FOXN3: variants seen among roughly 807,000 people sequenced by gnomAD.
The protein encoded by FOXN3 is forkhead box N3.
FOXN3 carries 7 observed loss-of-function variants against 38.4 expected under a neutral mutation model. That is an observed-to-expected ratio of 0.18 (90% confidence interval 0.10 to 0.34). FOXN3 has a LOEUF of 0.34. FOXN3 is among the 10% of genes least tolerant of loss of function. The pLI is 1.00. For missense variants in FOXN3, 456 were observed against 613.4 expected (o/e 0.74, Z 2.71); for synonymous variants, 230 against 242.2 (o/e 0.95, Z 0.47).
intron 4 of FOXN3, among the ~76,000 whole-genome samples, chr14:89,199,401 G>A (rs1888179154): frequency 6.6e-6 from 1 of 152,208 alleles, no homozygotes; most frequent in African/African-American, 2.4e-5. Flanking sequence ...GGAAGTTGGA[G>A]ACGGAGAACA....
intron 3 of FOXN3, chr14:89,290,486 GT>G: frequency 2.2e-6 from 1 of 463,268 alleles, no homozygotes; most frequent in Non-Finnish European, 4.2e-6. Context: ...ACTTCTTACA[GT>G]TTTCCACTGG....
chr14:89,201,570 C>T (rs1240025110), intron 4 of FOXN3, among the ~76,000 whole-genome samples: 4 of 152,182 alleles, frequency 2.6e-5, no homozygotes, highest in African/African-American at 9.7e-5. Context: ...AAAGGATGTG[C>T]CACGGCCAGA....
intron 4 of FOXN3, among the ~76,000 whole-genome samples, chr14:89,228,216 T>G (rs1884700411): frequency 6.6e-6 from 1 of 152,266 alleles, no homozygotes; most frequent in African/African-American, 2.4e-5. Flanking sequence ...GGATGTCATT[T>G]GATGGTCTGA....
chr14:89,347,833 T>C (rs570946560), intron 3 of FOXN3, among the ~76,000 whole-genome samples: 1 of 152,096 alleles, frequency 6.6e-6, no homozygotes, highest in African/African-American at 2.4e-5. Context: ...CTGCCTGTAG[T>C]CCCAGCTACT....
chr14:89,252,201 A>G (rs1885479325), intron 4 of FOXN3, among the ~76,000 whole-genome samples: 1 of 152,214 alleles, frequency 6.6e-6, no homozygotes, highest in African/African-American at 2.4e-5. Flanking sequence ...AACCTGCTAA[A>G]CTACCAGCCA....
intron 1 of FOXN3, among the ~76,000 whole-genome samples, chr14:89,426,688 G>T (rs771074484): frequency 1.3e-5 from 2 of 152,170 alleles, no homozygotes; most frequent in Non-Finnish European, 2.9e-5. Flanking sequence ...ACTCATTTCA[G>T]CCTCACATTA....
intron 2 of FOXN3, among the ~76,000 whole-genome samples, chr14:89,369,333 G>C (rs772150401): frequency 6.6e-6 from 1 of 152,178 alleles, no homozygotes; most frequent in East Asian, 1.9e-4. Context: ...GATAGTAGCA[G>C]CAACAGCAGC....
intron 2 of FOXN3, among the ~76,000 whole-genome samples, chr14:89,397,271 C>G (rs748550307): frequency 1.3e-5 from 2 of 151,886 alleles, no homozygotes; most frequent in Non-Finnish European, 2.9e-5. Context: ...GCAACACACA[C>G]TGGGGCCTAT....
intron 3 of FOXN3, among the ~76,000 whole-genome samples, chr14:89,303,720 GA>G (rs1887291850): frequency 1.3e-5 from 2 of 152,116 alleles, no homozygotes; most frequent in African/African-American, 4.8e-5. Flanking sequence ...AAAAGAAAAG[GA>G]AAACTGAAGA....
chr14:89,447,154 C>A (rs1892518885), intron 1 of FOXN3, among the ~76,000 whole-genome samples: 1 of 151,548 alleles, frequency 6.6e-6, no homozygotes, highest in Non-Finnish European at 1.5e-5. Context: ...CGAGATCGCG[C>A]CATTGCACTC....
Position 89,159,539 on chromosome 14 carries a change from A to G in FOXN3, c.*2875T>C, listed in dbSNP as rs540473511. ...TAAATCACACACATTGCATTTTATT[A>G]TTTTCTAAAAGAGGCCTCTGCCCCT... On this transcript the variant is annotated 3_prime_UTR_variant, in exon 6 of 6. Transcript: ENST00000557258. 15 of 152,740 alleles carry G rather than the reference A, an allele frequency of 9.8e-5. No homozygotes were observed. The highest frequency in any genetic ancestry group is 2.2e-4 in the Non-Finnish European group (15 of 68,028). 9.5% of individuals were successfully genotyped at this position (152,740 alleles called of 1,614,324 possible). A position where few individuals can be genotyped will look rare whatever the true frequency, so the allele number is the denominator to read the frequency against.
intron 1 of FOXN3, among the ~76,000 whole-genome samples, chr14:89,579,132 G>T (rs1292812789): frequency 7.3e-6 from 1 of 137,326 alleles, no homozygotes; most frequent in African/African-American, 2.8e-5. Flanking sequence ...TTACAGGCAT[G>T]AGCCACCATG....
intron 3 of FOXN3, among the ~76,000 whole-genome samples, chr14:89,285,538 A>AG (rs1886603411): frequency 5.3e-5 from 7 of 133,224 alleles, no homozygotes; most frequent in Admixed American, 4.9e-4. Context: ...AAAAAAAAAG[A>AG]GAGAGAGAAG....
chr14:89,439,575 T>A (rs1235169925), intron 1 of FOXN3, among the ~76,000 whole-genome samples: 1 of 151,850 alleles, frequency 6.6e-6, no homozygotes, highest in Middle Eastern at 3.4e-3. Context: ...TTGTTTAGCA[T>A]CTCATCAAGA....
chr14:89,493,189 TAC>T (rs1294997860), intron 1 of FOXN3, among the ~76,000 whole-genome samples: 4 of 152,186 alleles, frequency 2.6e-5, no homozygotes, highest in Non-Finnish European at 5.9e-5. Flanking sequence ...TCTTCACTGA[TAC>T]ACGAATAATA....
chr14:89,413,184 C>T (rs1891588124), intron 1 of FOXN3, among the ~76,000 whole-genome samples: 2 of 152,152 alleles, frequency 1.3e-5, no homozygotes, highest in Non-Finnish European at 2.9e-5. Context: ...GCATGTTCAA[C>T]CCTCCAGCAC....
intron 1 of FOXN3, among the ~76,000 whole-genome samples, chr14:89,455,874 G>A (rs907789683): frequency 1.3e-5 from 2 of 152,120 alleles, no homozygotes; most frequent in African/African-American, 2.4e-5. Context: ...TAAAGGATCC[G>A]AATCTCTACA....
In FOXN3 at chr14:89,201,870, T is replaced by C. The variant is rs116025703; in HGVS notation, c.746-21064A>G. Reference sequence around the variant, plus strand: ...TTGCTGGTAACCCCTGCACCAACTTTCCCACAGCTGTGGGGGTGCTCATAG... The same window carrying C: ...TTGCTGGTAACCCCTGCACCAACTTCCCCACAGCTGTGGGGGTGCTCATAG... On this transcript the variant is annotated intron_variant, in intron 4 of 5. Transcript: ENST00000557258. Among the ~76,000 whole-genome samples the C allele has an allele frequency of 3.9e-3, 599 of 152,270 alleles. 2 individuals carry two copies. Among genetic ancestry groups the C allele is most frequent in the African/African-American group, 0.014 (574 of 41,554 alleles).
Position 89,412,580 on chromosome 14 carries a change from G to T in FOXN3, c.-14-90C>A. 9.1e-7 allele frequency: 1 copy of T among 1,097,506 alleles called. No individual in the cohort carries two copies. The highest frequency in any genetic ancestry group is 1.3e-6 in the Non-Finnish European group (1 of 779,876). The allele number at this position is 1,097,506 out of a possible 1,614,324, so 68.0% of individuals were successfully genotyped here. On this transcript the variant is annotated intron_variant, in intron 1 of 5. Coordinates refer to ENST00000557258, the MANE Select transcript of FOXN3 (RefSeq NM_005197.4). This position sits in a 1 kb window ranked among gnomAD's most constrained non-coding sequence, Gnocchi z 4.7. ...CCCTCTGATCCTGTTGCCTCCCTCT[G>T]CCGCCTCTATGGAACCCCTGCTACA...
Sources: allele counts gnomAD v4.1 joint callset (sites outside exome capture counted in the v4.1 genomes callset), GRCh38; gene constraint gnomAD v4.1.1; non-coding constraint Gnocchi (gnomAD v3.1); transcripts MANE v1.5; gene names NCBI Gene and HGNC (gene_info 2026-07-23, HGNC 2026-07-21).